The following BMI1 variants were observed in gnomAD, a reference collection of about 807,000 sequenced individuals.
The protein encoded by BMI1 is polycomb complex protein BMI-1.
A neutral mutation model predicts 39.1 loss-of-function variants in BMI1; 9 were observed. That is an observed-to-expected ratio of 0.23 (90% confidence interval 0.14 to 0.40). The LOEUF is 0.40. Ranked by LOEUF, BMI1 falls within the 10% of genes least tolerant of loss-of-function variation. The pLI, the probability that BMI1 is intolerant of heterozygous loss-of-function variation, is 1.00. For synonymous variants in BMI1, 131 were observed against 127.9 expected, an observed-to-expected ratio of 1.02 and a Z score of -0.16; for missense variants, 252 against 390.8, an observed-to-expected ratio of 0.64 and a Z score of 2.99.
Position 22,329,244 on chromosome 10 carries a change from G to A in BMI1, c.683G>A (p.Arg228Gln), listed in dbSNP as rs746203016. Residue 228 changes from arginine (R) to glutamine (Q), a missense_variant, in exon 10 of 10, where the codon CGA becomes CAA. Coordinates refer to ENST00000376663, the MANE Select transcript of BMI1 (RefSeq NM_005180.9). ...NGPLPLKYRV[R>Q]PTCKRMKISH... is the part of the protein sequence containing the mutation. ...CCACTTCCATTGAAATACAGAGTTC[G>A]ACCTACTTGTAAAAGAATGAAGATC... 2.5e-6 allele frequency: 4 copies of A among 1,613,856 alleles called. No individual in the cohort carries two copies. The highest frequency in any genetic ancestry group is 1.1e-5 in the South Asian group (1 of 91,038).
chr10:22,323,212 T>C (rs1244526465), intron 1 of BMI1, among the ~76,000 whole-genome samples: 1 of 152,248 alleles, frequency 6.6e-6, no homozygotes, highest in Non-Finnish European at 1.5e-5. Flanking sequence ...ATGTTAACAT[T>C]TGAGTTTTAA....
At position 22,329,782 on chromosome 10, in the gene BMI1, CTG is replaced by C; in HGVS notation, c.*244_*245del. 3.9e-6 allele frequency: 2 copies of C among 514,330 alleles called. No individual in the cohort carries two copies. The highest frequency in any genetic ancestry group is 3.5e-5 in the East Asian group (1 of 28,806). 31.9% of individuals were successfully genotyped at this position (514,330 alleles called of 1,614,324 possible). A position where few individuals can be genotyped will look rare whatever the true frequency, so the allele number is the denominator to read the frequency against. On this transcript the variant is annotated 3_prime_UTR_variant, in exon 10 of 10. Coordinates refer to ENST00000376663, the MANE Select transcript of BMI1 (RefSeq NM_005180.9). ...TTGGAAAGCAGGCAAGACTTTTTCT[CTG>C]TGTTAGGAAAGATGGGAAATGGTTT...
At chr10:22,322,028 G>GCGCGC (rs1702418374) in intron 1 of BMI1, 1 of 148,696 alleles carries the variant, frequency 6.7e-6, no homozygotes, top group South Asian at 2.1e-4. Flanking sequence ...CTCAGCCCCG[G>GCGCGC]CGCGCCGCGC....
At chr10:22,328,229 A>G in intron 7 of BMI1, 50 bp downstream of exon 7, 5 of 1,552,902 alleles carry the variant, frequency 3.2e-6, no homozygotes, top group Non-Finnish European at 3.5e-6. Flanking sequence ...TTTGGAATCC[A>G]GATTTTATCA....
Position 22,328,045 on chromosome 10 carries a change from T to G in BMI1, c.412T>G (p.Phe138Val). Residue 138 changes from phenylalanine (F) to valine (V), a missense_variant, in exon 6 of 10, where the codon TTT (phenylalanine) becomes GTT (valine). Physicochemically the swap from Phe to Val is conservative, Grantham distance 50. Transcript: ENST00000376663. ...DEIISLSIEF[F>V]DQNRLDRKVN... ...GATAATAAGCTTATCCATTGAATTC[T>G]TTGACCAGAACAGGTAAAATCTTTA... 1 of 1,606,156 alleles carries G rather than the reference T, an allele frequency of 6.2e-7. No individual in the cohort carries two copies. Among genetic ancestry groups the G allele is most frequent in the Non-Finnish European group, 8.5e-7 (1 of 1,177,694 alleles).
At chr10:22,323,499 G>A (rs922631745) in intron 1 of BMI1, among the ~76,000 whole-genome samples, 2 of 152,246 alleles carry the variant, frequency 1.3e-5, no homozygotes, top group Non-Finnish European at 2.9e-5. Context: ...TGTATGTTAA[G>A]TGTGCAGATA....
chr10:22,326,612 G>A (rs766169698), intron 2 of BMI1, 51 bp downstream of exon 2: 2 of 1,583,854 alleles, frequency 1.3e-6, no homozygotes, highest in African/African-American at 1.4e-5. Flanking sequence ...TTCACAGTTC[G>A]ACCTGGAATT....
intron 1 of BMI1, among the ~76,000 whole-genome samples, chr10:22,325,404 C>G (rs1387055645): frequency 6.6e-6 from 1 of 152,168 alleles, no homozygotes; most frequent in Non-Finnish European, 1.5e-5. Flanking sequence ...AAAAGAGGCC[C>G]CCGGAGTGTC....
chr10:22,327,550 T>A, intron 3 of BMI1, 45 bp from the exon 4 acceptor site: 2 of 1,533,746 alleles, frequency 1.3e-6, no homozygotes, highest in Non-Finnish European at 1.8e-6. Context: ...CATTTTTAGT[T>A]CTTGCCATCT....
intron 5 of BMI1, 23 bp downstream of exon 5, chr10:22,327,815 G>C (rs765740411): frequency 1.2e-6 from 2 of 1,612,870 alleles, no homozygotes; most frequent in South Asian, 2.2e-5. Flanking sequence ...GGGGAGGGAA[G>C]ACATTTTATA....
At chr10:22,322,031 CGCCGCGCG>C (rs1836017217) in intron 1 of BMI1, 1 of 149,070 alleles carries the variant, frequency 6.7e-6, no homozygotes, top group Non-Finnish European at 1.5e-5. Context: ...AGCCCCGGCG[CGCCGCGCG>C]CGGCCCCACG....
At chr10:22,325,660 C>T (rs966276669) in intron 1 of BMI1, 5 of 148,430 alleles carry the variant, frequency 3.4e-5, no homozygotes, top group African/African-American at 9.8e-5. Flanking sequence ...CCCGCACGCC[C>T]GCCGAGGCTC....
In BMI1 at chr10:22,327,608, C is replaced by T; in HGVS notation, c.223C>T (p.Leu75Phe). 6.2e-7 allele frequency: 1 copy of T among 1,610,142 alleles called. No homozygotes were observed. Among genetic ancestry groups the T allele is most frequent in the Non-Finnish European group, 8.5e-7 (1 of 1,178,450 alleles). ...PLLNIRSDKTLQDIVYKLVPG... is the reference protein window; with the variant it reads ...PLLNIRSDKTFQDIVYKLVPG... ...ATTATTTTTCAGGTCAGATAAAACT[C>T]TCCAAGATATTGTATACAAATTAGT... Residue 75 changes from leucine (L) to phenylalanine (F), a missense_variant, in exon 4 of 10, where the codon CTC (leucine) becomes TTC (phenylalanine). This residue lies in a region of BMI1 where 62 missense variants were observed against 123.3 expected (regional missense o/e 0.50). Coordinates refer to ENST00000376663, the MANE Select transcript of BMI1 (RefSeq NM_005180.9).
intron 2 of BMI1, 108 bp downstream of exon 2, chr10:22,326,669 AGTG>A (rs1554774913): frequency 9.9e-6 from 15 of 1,510,760 alleles, no homozygotes; most frequent in African/African-American, 1.4e-5. Flanking sequence ...GTTGGTACAA[AGTG>A]GTGAAGGCAT....
intron 1 of BMI1, among the ~76,000 whole-genome samples, chr10:22,322,412 G>A (rs1455297178): frequency 1.3e-5 from 2 of 152,194 alleles, no homozygotes; most frequent in Non-Finnish European, 2.9e-5. Context: ...AGATTGGATG[G>A]CTGGTAAGAT....
intron 1 of BMI1, among the ~76,000 whole-genome samples, chr10:22,325,405 C>T (rs973559648): frequency 2.0e-5 from 3 of 152,198 alleles, no homozygotes; most frequent in Admixed American, 2.0e-4. Flanking sequence ...AAAGAGGCCC[C>T]CGGAGTGTCC....
intron 2 of BMI1, 29 bp from the exon 3 acceptor site, chr10:22,326,861 T>TA (rs1165895541): frequency 6.8e-6 from 11 of 1,609,872 alleles, no homozygotes; most frequent in African/African-American, 2.7e-5. Flanking sequence ...TTTCTAAACA[T>TA]AAAAAAACTT....
At chr10:22,323,646 G>A (rs966466567) in intron 1 of BMI1, among the ~76,000 whole-genome samples, 1 of 152,202 alleles carries the variant, frequency 6.6e-6, no homozygotes, top group Admixed American at 6.5e-5. Flanking sequence ...ATAAGAACTT[G>A]CTTCTGTTTT....
intron 7 of BMI1, 68 bp from the exon 8 acceptor site, chr10:22,328,532 A>C: frequency 6.7e-7 from 1 of 1,497,674 alleles, no homozygotes; most frequent in South Asian, 1.3e-5. Flanking sequence ...ATATTCAAGC[A>C]ATCAAATTGA....
Sources: gnomAD v4.1 joint callset for allele counts (sites outside exome capture counted in the v4.1 genomes callset) on GRCh38, gnomAD v4.1.1 for gene constraint, gnomAD v4.1.1 regional missense constraint, MANE v1.5 for transcripts, NCBI Gene and HGNC (gene_info 2026-07-23, HGNC 2026-07-21) for gene names.